KNG1: variants seen among roughly 807,000 people sequenced by gnomAD.
The protein encoded by KNG1 is kininogen 1.
A neutral mutation model predicts 47.8 loss-of-function variants in KNG1; 23 were observed. The observed-to-expected ratio is 0.48, with a 90% CI of 0.35 to 0.68. KNG1 has a LOEUF of 0.68. KNG1 is among the 30% of genes least tolerant of loss of function. The pLI is 0.01. For missense variants in KNG1, 762 were observed against 790.2 expected (o/e 0.96, Z 0.43); for synonymous variants, 277 against 277.0 (o/e 1.00, Z 0.00).
At chr3:186,718,093 C>G (rs1368651669) in intron 1 of KNG1, 3 of 262,078 alleles carry the variant, frequency 1.1e-5, no homozygotes, top group African/African-American at 8.3e-5. Context: ...CCAACCACCA[C>G]CATCCACCAC....
At chr3:186,739,789 C>G (rs1433614685) in intron 9 of KNG1, among the ~76,000 whole-genome samples, 1 of 152,200 alleles carries the variant, frequency 6.6e-6, no homozygotes, top group African/African-American at 2.4e-5. Flanking sequence ...CGGTGGCTCA[C>G]GCCTGTTATC....
intron 5 of KNG1, among the ~76,000 whole-genome samples, chr3:186,731,108 A>T (rs1579122745): frequency 6.6e-6 from 1 of 152,222 alleles, no homozygotes; most frequent in Non-Finnish European, 1.5e-5. Flanking sequence ...ACTTTGTCCA[A>T]TATTACTAAT....
chr3:186,739,920 C>T (rs1273023417), intron 9 of KNG1, among the ~76,000 whole-genome samples: 2 of 152,000 alleles, frequency 1.3e-5, no homozygotes, highest in Middle Eastern at 3.4e-3. Flanking sequence ...GGTGTGGTGG[C>T]GCCTGTAATC....
rs894465433 is a variant in KNG1 at position 186,720,277 on chromosome 3, A to G, written c.306+62A>G. On this transcript the variant is annotated intron_variant, in intron 2 of 9. Transcript: ENST00000644859. ...TCCGTTGACCCTGCCAGATTTTTTT[A>G]CTGATGCAGAAATGATGGCTACTGG... is the stretch of plus-strand genomic sequence containing the variant. 5 of 1,025,156 alleles carry G rather than the reference A, an allele frequency of 4.9e-6. No homozygotes were observed. In the African/African-American group the frequency reaches 7.9e-5, roughly 16 times the overall value. 63.5% of individuals were successfully genotyped at this position (1,025,156 alleles called of 1,614,324 possible). A position where few individuals can be genotyped will look rare whatever the true frequency, so the allele number is the denominator to read the frequency against.
Position 186,722,473 on chromosome 3 carries a change from A to T in KNG1, c.343A>T (p.Ser115Cys). The change falls in exon 3 of 10, where the codon AGC becomes TGC. Residue 115 changes from serine (S) to cysteine (C), a missense_variant. Ser to Cys is a moderately radical substitution (Grantham distance 112). Transcript: ENST00000644859. The part of the protein sequence containing the change: ...GECTATVGKR[S>C]STKFSVATQT... ...ATGCACGGCAACCGTGGGGAAGAGGAGCAGTACGAAATTCTCCGTGGCTAC... is the reference window on the plus strand; with the variant it reads ...ATGCACGGCAACCGTGGGGAAGAGGTGCAGTACGAAATTCTCCGTGGCTAC... 6.2e-7 allele frequency: 1 copy of T among 1,613,992 alleles called. No homozygotes were observed. Among genetic ancestry groups the T allele is most frequent in the Non-Finnish European group, 8.5e-7 (1 of 1,179,930 alleles).
chr3:186,732,258 G>A (rs1028082203), intron 6 of KNG1, among the ~76,000 whole-genome samples: 6 of 152,140 alleles, frequency 3.9e-5, no homozygotes, highest in Admixed American at 6.6e-5. Context: ...AAAGTGTAGC[G>A]TTTTGTTGGA....
Position 186,720,160 on chromosome 3 carries a change from C to A in KNG1, c.251C>A (p.Pro84His). The change falls in exon 2 of 10, where the codon CCT (proline) becomes CAT (histidine). Residue 84 changes from proline (P) to histidine (H), a missense_variant. Pro to His is a moderately conservative substitution (Grantham distance 77, BLOSUM62 -2). Coordinates refer to ENST00000644859, the MANE Select transcript of KNG1 (RefSeq NM_001102416.3). ...FKYEIKEGDC[P>H]VQSGKTWQDC... ...TACGAAATCAAGGAGGGGGATTGTC[C>A]TGTTCAAAGTGGCAAAACCTGGCAG... is the stretch of plus-strand genomic sequence containing the variant. 1 of 1,613,984 alleles carries A rather than the reference C, an allele frequency of 6.2e-7. No individual in the cohort carries two copies. The highest frequency in any genetic ancestry group is 8.5e-7 in the Non-Finnish European group (1 of 1,179,954).
intron 4 of KNG1, among the ~76,000 whole-genome samples, chr3:186,725,607 C>T (rs1371312655): frequency 8.1e-5 from 11 of 135,946 alleles, no homozygotes; most frequent in Middle Eastern, 4.3e-3. Context: ...TGCAGTGGCG[C>T]GATCTCGGCT....
intron 2 of KNG1, chr3:186,721,497 C>T (rs533438611): frequency 6.0e-4 from 92 of 152,378 alleles, no homozygotes; most frequent in African/African-American, 2.2e-3. Context: ...TAAGTGCCTG[C>T]TGTGTGGCGG....
At chr3:186,717,888 C>T (rs1579108643) in intron 1 of KNG1, 151 bp downstream of exon 1, 2 of 268,716 alleles carry the variant, frequency 7.4e-6, no homozygotes, top group East Asian at 1.2e-4. Flanking sequence ...ACCACAACCA[C>T]CACCACCACC....
chr3:186,721,746 A>G (rs5029994), intron 2 of KNG1: 2 of 152,616 alleles, frequency 1.3e-5, no homozygotes, highest in Non-Finnish European at 2.9e-5. Context: ...AACTCACTGA[A>G]GTTGAGTGGT....
chr3:186,742,230 C>T lies in KNG1; in HGVS notation c.1834C>T (p.Pro612Ser), dbSNP rs535753154. 41 of 1,614,176 alleles carry T rather than the reference C, an allele frequency of 2.5e-5. No individual in the cohort carries two copies. In the East Asian group the frequency reaches 8.5e-4, roughly 33 times the overall value. Residue 612 changes from proline (P) to serine (S), a missense_variant, in exon 10 of 10, where the codon CCA becomes TCA. Pro to Ser is a moderately conservative substitution (Grantham distance 74). Transcript: ENST00000644859. ...ATCAGATTTTCCAGACACGACCTCC[C>T]CAAAATGTCCTGGACGCCCCTGGAA... ...PISDFPDTTS[P>S]KCPGRPWKSV...
intron 5 of KNG1, 125 bp from the exon 6 acceptor site, chr3:186,731,416 CTTCT>C: frequency 1.5e-6 from 1 of 671,902 alleles, no homozygotes; most frequent in Non-Finnish European, 2.7e-6. Flanking sequence ...CTATGTTTTG[CTTCT>C]TTCTTTTTTT....
chr3:186,730,130 G>A (rs1720474100), intron 5 of KNG1, among the ~76,000 whole-genome samples: 1 of 148,632 alleles, frequency 6.7e-6, no homozygotes, highest in Admixed American at 6.7e-5. Context: ...AACATTATAT[G>A]GAATTCTCAT....
At position 186,741,579 on chromosome 3, in the gene KNG1, G is replaced by A; in HGVS notation, c.1183G>A (p.Glu395Lys). The A allele has an allele frequency of 6.2e-7, 1 of 1,610,274 alleles. No homozygotes were observed. The highest frequency in any genetic ancestry group is 8.5e-7 in the Non-Finnish European group (1 of 1,178,980). Reference sequence around the variant, plus strand: ...ACCTTTCCGATCATCACGAATAGGGGAAATAAAAGAAGAAACAACTGTAAG... The same window carrying A: ...ACCTTTCCGATCATCACGAATAGGGAAAATAAAAGAAGAAACAACTGTAAG... ...FSPFRSSRIG[E>K]IKEETTVSPP... Residue 395 changes from glutamate to lysine, a missense_variant, in exon 10 of 10, where the codon GAA (glutamate) becomes AAA (lysine). By Grantham distance (56) the Glu-to-Lys change is moderately conservative. Coordinates refer to ENST00000644859, the MANE Select transcript of KNG1 (RefSeq NM_001102416.3).
At chr3:186,731,781 C>T in intron 6 of KNG1, 152 bp downstream of exon 6, 1 of 686,798 alleles carries the variant, frequency 1.5e-6, no homozygotes, top group Non-Finnish European at 2.7e-6. Flanking sequence ...GATGAGAACA[C>T]TGTACCCCTT....
chr3:186,741,073 A>G (rs1720798909), intron 9 of KNG1, among the ~76,000 whole-genome samples: 1 of 151,804 alleles, frequency 6.6e-6, no homozygotes, highest in African/African-American at 2.4e-5. Flanking sequence ...AGCTCACTGC[A>G]ACCTCCACGT....
chr3:186,744,084 C>T lies in KNG1; in HGVS notation c.*1753C>T, dbSNP rs965949576. On this transcript the variant is annotated 3_prime_UTR_variant, in exon 10 of 10. Transcript: ENST00000644859. ...AACATTCCCTAGCCAAGGCAGAAGT[C>T]CTTAGGCGGGACTTCCTTACCACCA... 14 of 434,820 alleles carry T rather than the reference C, an allele frequency of 3.2e-5. No individual in the cohort carries two copies. Among genetic ancestry groups the T allele is most frequent in the Admixed American group, 1.4e-4 (4 of 28,152 alleles). The allele number at this position is 434,820 out of a possible 1,614,324, so 26.9% of individuals were successfully genotyped here. A position where few individuals can be genotyped will look rare whatever the true frequency, so the allele number is the denominator to read the frequency against.
intron 9 of KNG1, among the ~76,000 whole-genome samples, chr3:186,740,049 CAA>C (rs1210069538): frequency 8.2e-5 from 11 of 133,828 alleles, no homozygotes; most frequent in African/African-American, 5.5e-5. Flanking sequence ...AACTTTGTCT[CAA>C]AAAAAAAAAA....
Sources: gnomAD v4.1 joint callset for allele counts (sites outside exome capture counted in the v4.1 genomes callset) on GRCh38, gnomAD v4.1.1 for gene constraint, MANE v1.5 for transcripts, NCBI Gene and HGNC (gene_info 2026-07-23, HGNC 2026-07-21) for gene names.